The following DOCK1 variants were observed in gnomAD, a reference collection of about 807,000 sequenced individuals.
The protein encoded by DOCK1 is dedicator of cytokinesis 1, also known as dedicator of cytokinesis protein 1.
DOCK1 carries 138 observed loss-of-function variants against 262.7 expected under a neutral mutation model. That is an observed-to-expected ratio of 0.53 (90% CI 0.46 to 0.61). DOCK1 has a LOEUF of 0.61. Among genes scored for constraint, DOCK1 ranks in the 20% least tolerant of loss-of-function variants. DOCK1 has a pLI of 0.00. For synonymous variants in DOCK1, 866 were observed against 867.4 expected (o/e 1.00, Z 0.03); for missense variants, 1,908 against 2,370.7 (o/e 0.80, Z 4.05).
intron 1 of DOCK1, among the ~76,000 whole-genome samples, chr10:126,949,605 G>C (rs1446335784): frequency 6.6e-6 from 1 of 152,134 alleles, no homozygotes; most frequent in Non-Finnish European, 1.5e-5. Context: ...AGAGCATCGG[G>C]TGTTGAATGT....
chr10:127,197,542 G>A (rs996734761), intron 27 of DOCK1, among the ~76,000 whole-genome samples: 10 of 152,172 alleles, frequency 6.6e-5, no homozygotes, highest in Non-Finnish European at 4.4e-5. Context: ...AATGTAAAAT[G>A]TAAGTAGCCA....
intron 4 of DOCK1, 99 bp downstream of exon 4, chr10:126,982,072 T>A: frequency 7.9e-7 from 1 of 1,272,642 alleles, no homozygotes; most frequent in South Asian, 1.3e-5. Context: ...GTCAAGACAA[T>A]GGGTGTGATT....
At chr10:126,962,209 G>T (rs1351073845) in intron 1 of DOCK1, among the ~76,000 whole-genome samples, 14 of 151,724 alleles carry the variant, frequency 9.2e-5, no homozygotes, top group East Asian at 2.0e-4. Context: ...GCCCAGGCTG[G>T]AGTGTAGTGG....
At chr10:127,072,686 G>A (rs1029362229) in intron 23 of DOCK1, among the ~76,000 whole-genome samples, 34 of 152,306 alleles carry the variant, frequency 2.2e-4, no homozygotes, top group Admixed American at 2.2e-3. Flanking sequence ...TGTGGAGCAT[G>A]AAGTAATCCT....
At chr10:127,332,892 A>G (rs1255806789) in intron 29 of DOCK1, among the ~76,000 whole-genome samples, 1 of 152,156 alleles carries the variant, frequency 6.6e-6, no homozygotes, top group Non-Finnish European at 1.5e-5. Context: ...TTCCCATGGA[A>G]CTGAAGTGAC....
chr10:127,241,890 G>C (rs1331585097), intron 27 of DOCK1, among the ~76,000 whole-genome samples: 1 of 152,180 alleles, frequency 6.6e-6, no homozygotes, highest in Non-Finnish European at 1.5e-5. Flanking sequence ...CACTGGACAT[G>C]CTGGGCATAG....
At chr10:127,386,283 T>C in intron 38 of DOCK1, among the ~76,000 whole-genome samples, 1 of 152,176 alleles carries the variant, frequency 6.6e-6, no homozygotes, top group East Asian at 1.9e-4. Context: ...GGATTGGAAA[T>C]GTTCTGTGAA....
chr10:127,340,470 T>G (rs1421823273), intron 30 of DOCK1, among the ~76,000 whole-genome samples: 2 of 152,198 alleles, frequency 1.3e-5, no homozygotes, highest in African/African-American at 4.8e-5. Context: ...ACGATATGAA[T>G]GTACCAACAT....
rs868710057 is a variant in DOCK1, at chr10:127,110,269, C to T, written c.2538C>T (p.Ile846=). 3 of 1,613,392 alleles carry T rather than the reference C, an allele frequency of 1.9e-6. No individual in the cohort carries two copies. The highest frequency in any genetic ancestry group is 1.1e-5 in the South Asian group (1 of 90,788). The change falls in exon 25 of 52, where the codon ATC becomes ATT. Residue 846 remains isoleucine (I), a synonymous_variant. Coordinates refer to ENST00000623213, the MANE Select transcript of DOCK1 (RefSeq NM_001290223.2). ...ACAGCAAAATGTTTACTGAATTCAT[C>T]CTCAATGTTCCCATGGGCTTGCTGA... ...KELSKMFTEF[I]LNVPMGLLTI... is the part of the protein sequence containing the mutation.
In DOCK1 at chr10:127,248,060, A is replaced by G; in HGVS notation, c.2900A>G (p.His967Arg). The change falls in exon 28 of 52, where the codon CAT becomes CGT. Residue 967 changes from histidine (H) to arginine (R), a missense_variant. By Grantham distance (29) the His-to-Arg change is conservative. Around this residue, in one of 9 missense-constraint regions of DOCK1, gnomAD observed 518 missense variants for 575.1 expected, o/e 0.90. Coordinates refer to ENST00000623213, the MANE Select transcript of DOCK1 (RefSeq NM_001290223.2). ...TAILRQMEDY[H>R]YAHLIKTFGK... Reference sequence around the variant, plus strand: ...ATTTTACGACAAATGGAAGATTACCATTATGCCCACTTGATCAAGACTTTT... The same window carrying G: ...ATTTTACGACAAATGGAAGATTACCGTTATGCCCACTTGATCAAGACTTTT... 1.2e-6 allele frequency: 2 copies of G among 1,614,022 alleles called. No individual in the cohort carries two copies.
chr10:127,019,697 A>G (rs1231097076), intron 13 of DOCK1, among the ~76,000 whole-genome samples: 1 of 152,190 alleles, frequency 6.6e-6, no homozygotes, highest in Admixed American at 6.5e-5. Context: ...TGCTGTGAGC[A>G]CAGATCACGC....
At chr10:127,443,675 A>G (rs1229837948) in intron 49 of DOCK1, among the ~76,000 whole-genome samples, 1 of 152,146 alleles carries the variant, frequency 6.6e-6, no homozygotes, top group African/African-American at 2.4e-5. Flanking sequence ...AAATCTGTAC[A>G]TACTGTGTGT....
At chr10:127,192,331 A>G (rs944347615) in intron 27 of DOCK1, among the ~76,000 whole-genome samples, 7 of 152,234 alleles carry the variant, frequency 4.6e-5, no homozygotes, top group African/African-American at 9.6e-5. Context: ...AAAGGTTTAT[A>G]GAGTAATTTA....
At chr10:126,991,982 C>T (rs772627262) in intron 6 of DOCK1, among the ~76,000 whole-genome samples, 9 of 152,042 alleles carry the variant, frequency 5.9e-5, no homozygotes, top group Admixed American at 2.0e-4. Context: ...GAAAGGAGTC[C>T]GGGTAAATCA....
chr10:127,217,916 G>A (rs1221209812), intron 27 of DOCK1, among the ~76,000 whole-genome samples: 1 of 151,908 alleles, frequency 6.6e-6, no homozygotes, highest in Admixed American at 6.6e-5. Flanking sequence ...TGTTAAGCCA[G>A]TTATCCCAGA....
At chr10:127,181,402 G>A (rs1015796821) in intron 27 of DOCK1, among the ~76,000 whole-genome samples, 5 of 152,164 alleles carry the variant, frequency 3.3e-5, no homozygotes, top group Admixed American at 6.5e-5. Flanking sequence ...TAAAATGTCC[G>A]TGCTGATTTG....
chr10:127,116,686 G>A (rs1389429665), intron 25 of DOCK1, among the ~76,000 whole-genome samples: 1 of 152,070 alleles, frequency 6.6e-6, no homozygotes, highest in Non-Finnish European at 1.5e-5. Flanking sequence ...CTTTACTGTT[G>A]TGGAAAATAG....
chr10:126,997,429 A>G (rs1291874179), intron 7 of DOCK1, among the ~76,000 whole-genome samples: 2 of 152,062 alleles, frequency 1.3e-5, no homozygotes, highest in Non-Finnish European at 2.9e-5. Flanking sequence ...GAATCTTATA[A>G]TTATGGTGGA....
intron 27 of DOCK1, among the ~76,000 whole-genome samples, chr10:127,144,108 C>T (rs1298067841): frequency 1.3e-5 from 2 of 152,210 alleles, no homozygotes; most frequent in Non-Finnish European, 2.9e-5. Flanking sequence ...TAGTCCAGAA[C>T]TCCAGCAGTT....
Sources: gnomAD v4.1 joint callset for allele counts (sites outside exome capture counted in the v4.1 genomes callset) on GRCh38, gnomAD v4.1.1 for gene constraint, gnomAD v4.1.1 regional missense constraint, MANE v1.5 for transcripts, NCBI Gene and HGNC (gene_info 2026-07-23, HGNC 2026-07-21) for gene names.